UBN2: variants seen among roughly 807,000 people sequenced by gnomAD.
The protein encoded by UBN2 is ubinuclein-2.
A neutral mutation model predicts 120.2 loss-of-function variants in UBN2; 35 were observed. The observed-to-expected ratio is 0.29, with a 90% confidence interval of 0.22 to 0.39. The LOEUF (loss-of-function observed/expected upper bound fraction) is 0.39. Ranked by LOEUF, UBN2 falls within the 10% of genes least tolerant of loss-of-function variation. The pLI is 1.00. For synonymous variants in UBN2, 661 were observed against 648.7 expected (o/e 1.02, Z -0.29); for missense variants, 1,693 against 1,663.2 (o/e 1.02, Z -0.31).
chr7:139,306,314 G>A lies in UBN2; in HGVS notation c.*8478G>A, dbSNP rs145079952. The A allele has an allele frequency of 6.6e-6, 1 of 152,304 alleles. No individual in the cohort carries two copies. Among genetic ancestry groups the A allele is most frequent in the East Asian group, 1.9e-4 (1 of 5,192 alleles). The allele number at this position is 152,304 out of a possible 1,614,324, so 9.4% of individuals were successfully genotyped here. On this transcript the variant is annotated 3_prime_UTR_variant, in exon 18 of 18. Transcript: ENST00000473989. ...TCCTCCTTTTTTGCTTATCCCTGCTGTTTGTAGGGTTAGTGTGCCCTCTGT... is the reference window on the plus strand; with the variant it reads ...TCCTCCTTTTTTGCTTATCCCTGCTATTTGTAGGGTTAGTGTGCCCTCTGT...
At chr7:139,330,293 T>C in the UBN2 span, among the ~76,000 whole-genome samples, 1 of 152,242 alleles carries the variant, frequency 6.6e-6, no homozygotes, top group South Asian at 2.1e-4. Context: ...TTTCAATTTT[T>C]AAGTGTATGA....
At chr7:139,312,379 C>T (rs148467649), downstream of UBN2, among the ~76,000 whole-genome samples, 133 of 152,338 alleles carry the variant, frequency 8.7e-4, 1 homozygote, top group South Asian at 0.019. Flanking sequence ...TTGCTTCTTA[C>T]TGCTACACGG....
chr7:139,319,294 G>C, the UBN2 span, among the ~76,000 whole-genome samples: 6 of 152,118 alleles, frequency 3.9e-5, no homozygotes, highest in East Asian at 1.2e-3. Flanking sequence ...TGTTGGCCAG[G>C]CTGATCTCGA....
the UBN2 span, among the ~76,000 whole-genome samples, chr7:139,328,819 A>G: frequency 6.6e-6 from 1 of 151,514 alleles, no homozygotes; most frequent in Non-Finnish European, 1.5e-5. Context: ...AGCTATGATC[A>G]TACCACTGCA....
intron 12 of UBN2, chr7:139,277,388 A>AAC: frequency 6.6e-6 from 1 of 152,376 alleles, no homozygotes; most frequent in Admixed American, 6.5e-5. Flanking sequence ...AGCCTTACTG[A>AAC]TAACATAAAT....
At chr7:139,239,471 C>T (rs559617283) in intron 2 of UBN2, among the ~76,000 whole-genome samples, 10 of 150,638 alleles carry the variant, frequency 6.6e-5, no homozygotes, top group South Asian at 6.3e-4. Flanking sequence ...CGATTCAGGT[C>T]GGAAGATTTA....
At position 139,269,454 on chromosome 7, in the gene UBN2, T is replaced by G. The variant is rs200920412; in HGVS notation, c.1527T>G (p.Leu509=). Residue 509 remains leucine (L), a synonymous_variant, in exon 8 of 18, where the codon CTT becomes CTG. Transcript: ENST00000473989. ...PVIRSGVYSH[L]EAFVPCNKET... is the part of the protein sequence containing the mutation. ...TTCGCAGTGGTGTCTACTCCCACCT[T>G]GAAGCTTTTGTGCCATGCAATAAAG... The G allele has an allele frequency of 8.1e-4, 1,305 of 1,614,162 alleles. 1 individual carries two copies. The highest frequency in any genetic ancestry group is 9.9e-4 in the Non-Finnish European group (1,173 of 1,180,006).
chr7:139,283,738 G>T lies in UBN2; in HGVS notation c.2833G>T (p.Ala945Ser). The stretch of plus-strand genomic sequence containing the variant: ...GCAGAACTATGTGTCTCCATTACAG[G>T]CCACCATCAGTAAATCCCAGACCAA... ...VQQNYVSPLQ[A>S]TISKSQTNPV... Residue 945 changes from alanine to serine, a missense_variant, in exon 15 of 18, where the codon GCC becomes TCC. Physicochemically the swap from Ala to Ser is moderately conservative, Grantham distance 99. Around this residue, in one of 5 missense-constraint regions of UBN2, gnomAD observed 837 missense variants for 817.6 expected, o/e 1.02. Coordinates refer to ENST00000473989, the MANE Select transcript of UBN2 (RefSeq NM_173569.4). The T allele has an allele frequency of 2.5e-6, 4 of 1,613,654 alleles. No homozygotes were observed. Among genetic ancestry groups the T allele is most frequent in the Non-Finnish European group, 3.4e-6 (4 of 1,180,012 alleles).
At chr7:139,297,050 C>G (rs186540087) in intron 17 of UBN2, among the ~76,000 whole-genome samples, 6 of 151,830 alleles carry the variant, frequency 4.0e-5, no homozygotes, top group Non-Finnish European at 8.8e-5. Flanking sequence ...AAAAATTAGC[C>G]GGGCATGGTG....
chr7:139,254,781 A>G (rs1796713410), intron 3 of UBN2, among the ~76,000 whole-genome samples: 1 of 152,226 alleles, frequency 6.6e-6, no homozygotes. Context: ...TTAAATTAAT[A>G]AACTTTCTTT....
At chr7:139,316,101 A>G in the UBN2 span, among the ~76,000 whole-genome samples, 1 of 139,820 alleles carries the variant, frequency 7.2e-6, no homozygotes, top group Non-Finnish European at 1.5e-5. Flanking sequence ...AAAAAAAAAA[A>G]AAAAAAGGGG....
chr7:139,321,440 C>T, the UBN2 span, among the ~76,000 whole-genome samples: 2 of 152,212 alleles, frequency 1.3e-5, no homozygotes, highest in African/African-American at 4.8e-5. Flanking sequence ...TGGGATTTGA[C>T]TCCATGTTGG....
the UBN2 span, among the ~76,000 whole-genome samples, chr7:139,327,837 C>A: frequency 6.6e-6 from 1 of 152,162 alleles, no homozygotes; most frequent in African/African-American, 2.4e-5. Flanking sequence ...GAAGATTATC[C>A]CGCTTCTTCA....
At chr7:139,281,477 CTG>C (rs1448111211) in intron 13 of UBN2, among the ~76,000 whole-genome samples, 1 of 152,166 alleles carries the variant, frequency 6.6e-6, no homozygotes, top group Non-Finnish European at 1.5e-5. Context: ...TTCTGAAACT[CTG>C]TTCCTCCCTC....
rs1585039893 is a variant in UBN2 at position 139,306,744 on chromosome 7, T to C, written c.*8908T>C. The C allele has an allele frequency of 2.0e-5, 3 of 152,354 alleles. No homozygotes were observed. The East Asian group carries it at 5.8e-4, about 29-fold the overall frequency. 9.4% of individuals were successfully genotyped at this position (152,354 alleles called of 1,614,324 possible). A position where few individuals can be genotyped will look rare whatever the true frequency, so the allele number is the denominator to read the frequency against. On this transcript the variant is annotated 3_prime_UTR_variant, in exon 18 of 18. Transcript: ENST00000473989. ...TCAGAGAGTATGTAAATCTGGGGCT[T>C]GCCCTTGGATTTCACTTGTTAAACA...
intron 15 of UBN2, among the ~76,000 whole-genome samples, chr7:139,289,494 C>T (rs1797886956): frequency 6.7e-6 from 1 of 148,528 alleles, no homozygotes; most frequent in Non-Finnish European, 1.5e-5. Flanking sequence ...CTCACTGCAG[C>T]TTCCGCCTCT....
At chr7:139,240,911 G>A (rs1001775771) in intron 2 of UBN2, among the ~76,000 whole-genome samples, 3 of 152,256 alleles carry the variant, frequency 2.0e-5, no homozygotes, top group Non-Finnish European at 4.4e-5. Context: ...AAATAGCTAA[G>A]TCCAAGTTTT....
chr7:139,295,537 T>C (rs2131070823), intron 17 of UBN2, among the ~76,000 whole-genome samples: 1 of 152,330 alleles, frequency 6.6e-6, no homozygotes. Context: ...TTACACGAAC[T>C]ATCAAATTTA....
intron 1 of UBN2, among the ~76,000 whole-genome samples, chr7:139,232,408 C>T (rs901324737): frequency 1.3e-5 from 2 of 152,230 alleles, no homozygotes; most frequent in Non-Finnish European, 2.9e-5. Context: ...CCTCTCGTAT[C>T]ATCCTCATCC....
Sources: allele counts gnomAD v4.1 joint callset (sites outside exome capture counted in the v4.1 genomes callset), GRCh38; gene constraint gnomAD v4.1.1; regional missense constraint gnomAD v4.1.1; transcripts MANE v1.5; gene names NCBI Gene and HGNC (gene_info 2026-07-23, HGNC 2026-07-21).